The following BBS2 variants were observed in gnomAD, a reference collection of about 807,000 sequenced individuals.
The protein encoded by BBS2 is Bardet-Biedl syndrome 2, also known as BBSome complex member BBS2.
In BBS2, 62 loss-of-function variants were observed where a neutral mutation model predicts 83.0. The observed-to-expected ratio is 0.75, with a 90% CI of 0.61 to 0.92. The LOEUF is 0.92. BBS2 is among the 40% of genes least tolerant of loss of function. The probability of loss-of-function intolerance (pLI) is 0.00; values close to 1 mark genes in which losing one functional copy is unlikely to be tolerated. For missense variants in BBS2, 784 were observed against 901.0 expected (o/e 0.87, Z 1.66); for synonymous variants, 303 against 326.1 (o/e 0.93, Z 0.76).
Position 56,519,934 on chromosome 16 carries a change from G to A in BBS2, c.-72C>T, listed in dbSNP as rs989121506. The A allele has an allele frequency of 4.5e-6, 6 of 1,339,478 alleles. No individual in the cohort carries two copies. The East Asian group carries it at 1.4e-4, about 31-fold the overall frequency. 83.0% of individuals were successfully genotyped at this position (1,339,478 alleles called of 1,614,324 possible). On this transcript the variant is annotated 5_prime_UTR_variant, in exon 1 of 17. Coordinates refer to ENST00000245157, the MANE Select transcript of BBS2 (RefSeq NM_031885.5). Reference sequence around the variant, plus strand: ...CAGCGGAGCTGGCCTCACGCGCCCGGGCAAGAAGTGCAGGGACACTACCTG... The same window carrying A: ...CAGCGGAGCTGGCCTCACGCGCCCGAGCAAGAAGTGCAGGGACACTACCTG...
downstream of BBS2, among the ~76,000 whole-genome samples, chr16:56,480,366 C>CAAAAAAAA (rs1157907841): frequency 1.1e-5 from 1 of 90,256 alleles, no homozygotes; most frequent in Non-Finnish European, 2.3e-5. Context: ...AAAAAAAAAA[C>CAAAAAAAA]AAAAAAAAAA....
At chr16:56,511,489 A>G (rs753661710) in intron 2 of BBS2, among the ~76,000 whole-genome samples, 7 of 152,174 alleles carry the variant, frequency 4.6e-5, no homozygotes, top group Non-Finnish European at 7.3e-5. Flanking sequence ...ACTTTCTATT[A>G]AGAACTTTCT....
chr16:56,494,465 G>A (rs1254086360), intron 15 of BBS2, among the ~76,000 whole-genome samples: 1 of 152,064 alleles, frequency 6.6e-6, no homozygotes, highest in Non-Finnish European at 1.5e-5. Flanking sequence ...GTCAGACCAT[G>A]ATCTCTAAAT....
chr16:56,516,452 A>G (rs1247782462), intron 1 of BBS2, among the ~76,000 whole-genome samples: 1 of 152,168 alleles, frequency 6.6e-6, no homozygotes, highest in Non-Finnish European at 1.5e-5. Context: ...GCTGGAGTAC[A>G]GTGGTGCAAT....
chr16:56,520,008 C>G lies in BBS2; in HGVS notation c.-146G>C, dbSNP rs886052153. The G allele has an allele frequency of 1.4e-6, 1 of 720,164 alleles. No individual in the cohort carries two copies. Among genetic ancestry groups the G allele is most frequent in the Non-Finnish European group, 2.5e-6 (1 of 403,656 alleles). 44.6% of individuals were successfully genotyped at this position (720,164 alleles called of 1,614,324 possible). A position where few individuals can be genotyped will look rare whatever the true frequency, so the allele number is the denominator to read the frequency against. ...GGACGCGAAACAGCCCGGGACGAAC[C>G]CGTCCAGGTACCGCCTGCTCCTCCT... On this transcript the variant is annotated 5_prime_UTR_variant, in exon 1 of 17. Transcript: ENST00000245157.
chr16:56,501,663 C>T (rs1964278874), intron 9 of BBS2, 166 bp from the exon 10 acceptor site: 1 of 930,334 alleles, frequency 1.1e-6, no homozygotes, highest in African/African-American at 1.6e-5. Context: ...CATTAGTGCT[C>T]CCTTGCTCTA....
chr16:56,487,829 C>T (rs768890125), intron 15 of BBS2, among the ~76,000 whole-genome samples: 9 of 152,198 alleles, frequency 5.9e-5, no homozygotes, highest in East Asian at 3.9e-4. Flanking sequence ...GGGTTGGGGA[C>T]GGGGCACTAC....
Position 56,519,871 on chromosome 16 carries a change from C to G in BBS2, c.-9G>C. 6.2e-7 allele frequency: 1 copy of G among 1,610,046 alleles called. No homozygotes were observed. Among genetic ancestry groups the G allele is most frequent in the Non-Finnish European group, 8.5e-7 (1 of 1,176,500 alleles). ...AACACAGGCAGCAGCATGATGGCGGCGGCTTAGGGGAGGAGGGCTGGAAGC... is the reference window on the plus strand; with the variant it reads ...AACACAGGCAGCAGCATGATGGCGGGGGCTTAGGGGAGGAGGGCTGGAAGC... On this transcript the variant is annotated 5_prime_UTR_variant, in exon 1 of 17. Transcript: ENST00000245157.
chr16:56,492,498 GGAA>G (rs1939591039), intron 15 of BBS2, among the ~76,000 whole-genome samples: 1 of 152,040 alleles, frequency 6.6e-6, no homozygotes, highest in African/African-American at 2.4e-5. Flanking sequence ...TTGAAAGAGG[GGAA>G]GAAGAAATGG....
At chr16:56,502,616 T>C (rs1597016833) in intron 8 of BBS2, 57 bp downstream of exon 8, 1 of 1,613,648 alleles carries the variant, frequency 6.2e-7, no homozygotes, top group Non-Finnish European at 8.5e-7. Flanking sequence ...TCCTGATATT[T>C]TGACCCAATC....
At chr16:56,510,729 C>A (rs1260100754) in intron 4 of BBS2, 130 bp downstream of exon 4, 2 of 900,186 alleles carry the variant, frequency 2.2e-6, no homozygotes, top group East Asian at 2.4e-5. Flanking sequence ...GGCCAACTGG[C>A]TGAGCATTTA....
chr16:56,495,426 CATT>C (rs1964089052), intron 15 of BBS2, among the ~76,000 whole-genome samples: 1 of 152,126 alleles, frequency 6.6e-6, no homozygotes, highest in South Asian at 2.1e-4. Flanking sequence ...CCAGATCTAC[CATT>C]ATCTTTCTAT....
intron 5 of BBS2, among the ~76,000 whole-genome samples, chr16:56,508,524 A>G (rs773344537): frequency 6.6e-6 from 1 of 152,182 alleles, no homozygotes; most frequent in Non-Finnish European, 1.5e-5. Flanking sequence ...CAATCCTGGA[A>G]AACCAGCAGC....
intron 1 of BBS2, among the ~76,000 whole-genome samples, chr16:56,518,504 T>C (rs768270765): frequency 2.0e-5 from 3 of 152,222 alleles, no homozygotes; most frequent in Non-Finnish European, 4.4e-5. Context: ...ATTAACTTTT[T>C]TAAAGCTCAT....
rs111472871 is a variant in BBS2 at position 56,502,047 on chromosome 16, G to A, written c.1080+270C>T. 7.8e-4 allele frequency: 393 copies of A among 503,870 alleles called. 3 individuals are homozygous for A. The highest frequency in any genetic ancestry group is 6.0e-3 in the African/African-American group (309 of 51,748). The allele number at this position is 503,870 out of a possible 1,614,324, so 31.2% of individuals were successfully genotyped here. ...TTAGCACATACTCCCTACTGCTGAC[G>A]AACATCTAAGTTTCTTCCAGCTGTT... is the stretch of plus-strand genomic sequence containing the variant. On this transcript the variant is annotated intron_variant, in intron 9 of 16. Transcript: ENST00000245157.
rs374028829 is a variant in BBS2 at position 56,498,541 on chromosome 16, G to C, written c.1555C>G (p.Leu519Val). The C allele has an allele frequency of 2.0e-5, 33 of 1,613,852 alleles. No individual in the cohort carries two copies. The highest frequency in any genetic ancestry group is 2.5e-5 in the Non-Finnish European group (30 of 1,179,978). Residue 519 changes from leucine (L) to valine (V), a missense_variant, in exon 13 of 17, where the codon CTG (leucine) becomes GTG (valine). By Grantham distance (32) the Leu-to-Val change is conservative. Coordinates refer to ENST00000245157, the MANE Select transcript of BBS2 (RefSeq NM_031885.5). Reference protein sequence around the residue: ...RVVVWLGQNFLLPEDTHIQNA... With the variant: ...RVVVWLGQNFVLPEDTHIQNA... ...TGAATGTGAGTGTCTTCTGGTAACA[G>C]AAAGTTCTGACCGAGCCATACAACA... is the stretch of plus-strand genomic sequence containing the variant.
At chr16:56,476,421 C>CTTT in intron 17 of BBS2, 4 of 286,862 alleles carry the variant, frequency 1.4e-5, no homozygotes, top group Non-Finnish European at 1.3e-5. Flanking sequence ...AAAAAGTTGG[C>CTTT]TTTTTTTTTT....
At position 56,501,216 on chromosome 16, in the gene BBS2, A is replaced by G. The variant is rs1353128753; in HGVS notation, c.1225+137T>C. On this transcript the variant is annotated intron_variant, in intron 10 of 16. Transcript: ENST00000245157. ...TCCCAGCTACTTGGGAGGCTGAGAC[A>G]GGAGAATGGCATGAACCCGGGAGGC... 9 of 1,335,536 alleles carry G rather than the reference A, an allele frequency of 6.7e-6. No individual in the cohort carries two copies. In the African/African-American group the frequency reaches 1.0e-4, roughly 15 times the overall value. 82.7% of individuals were successfully genotyped at this position (1,335,536 alleles called of 1,614,324 possible).
downstream of BBS2, among the ~76,000 whole-genome samples, chr16:56,480,376 A>AAAAAAAAAC (rs1555519799): frequency 2.8e-5 from 4 of 142,482 alleles, no homozygotes; most frequent in African/African-American, 1.0e-4. Context: ...CAAAAAAAAA[A>AAAAAAAAAC]ACAAAGCTTG....
Sources: allele counts gnomAD v4.1 joint callset (sites outside exome capture counted in the v4.1 genomes callset), GRCh38; gene constraint gnomAD v4.1.1; transcripts MANE v1.5; gene names NCBI Gene and HGNC (gene_info 2026-07-23, HGNC 2026-07-21).